SCHIP1: variants seen among roughly 807,000 people sequenced by gnomAD.
SCHIP1 encodes schwannomin-interacting protein 1.
SCHIP1 carries 8 observed loss-of-function variants against 29.7 expected under a neutral mutation model. That is an observed-to-expected ratio of 0.27 (90% CI 0.16 to 0.49). The LOEUF is 0.49. Among genes scored for constraint, SCHIP1 ranks in the 20% least tolerant of loss-of-function variants. The pLI is 0.99. For synonymous variants in SCHIP1, 76 were observed against 94.9 expected, an observed-to-expected ratio of 0.80 and a Z score of 1.16; for missense variants, 193 against 294.6, an observed-to-expected ratio of 0.66 and a Z score of 2.52.
At chr3:159,296,966 T>A in the SCHIP1 span, among the ~76,000 whole-genome samples, 2 of 152,210 alleles carry the variant, frequency 1.3e-5, no homozygotes, top group Non-Finnish European at 2.9e-5. Flanking sequence ...TTCTACTGTC[T>A]ACTTCTATGG....
chr3:159,750,263 GTATATATATA>G, the SCHIP1 span, among the ~76,000 whole-genome samples: 4 of 25,104 alleles, frequency 1.6e-4, no homozygotes, highest in South Asian at 1.1e-3. Flanking sequence ...ATGTGTGTGT[GTATATATATA>G]TATATATATA....
chr3:159,511,398 C>G, the SCHIP1 span, among the ~76,000 whole-genome samples: 3 of 152,316 alleles, frequency 2.0e-5, no homozygotes, highest in East Asian at 5.8e-4. Context: ...AGGGAACTCC[C>G]TGACCCCTTG....
chr3:159,648,150 A>T, the SCHIP1 span, among the ~76,000 whole-genome samples: 13 of 152,166 alleles, frequency 8.5e-5, no homozygotes, highest in South Asian at 1.5e-3. Context: ...TCCCAGGCAC[A>T]CTCCTCTCTA....
chr3:159,586,409 G>A, the SCHIP1 span, among the ~76,000 whole-genome samples: 8 of 152,096 alleles, frequency 5.3e-5, no homozygotes, highest in Admixed American at 6.6e-5. Flanking sequence ...TTTTAAAAAC[G>A]CTATGCTTAG....
chr3:159,663,495 A>G, the SCHIP1 span, among the ~76,000 whole-genome samples: 2 of 152,178 alleles, frequency 1.3e-5, no homozygotes, highest in African/African-American at 2.4e-5. Context: ...TAGCTCCTCA[A>G]CAGTCCTCAA....
chr3:159,440,872 AACTC>A, the SCHIP1 span, among the ~76,000 whole-genome samples: 1 of 152,198 alleles, frequency 6.6e-6, no homozygotes, highest in Non-Finnish European at 1.5e-5. Context: ...TAGTAACTAA[AACTC>A]ACTCTGATGG....
At chr3:159,329,014 G>A in the SCHIP1 span, among the ~76,000 whole-genome samples, 1 of 152,164 alleles carries the variant, frequency 6.6e-6, no homozygotes, top group East Asian at 1.9e-4. Flanking sequence ...GCACATAGCA[G>A]GTGGCCAAAG....
the SCHIP1 span, among the ~76,000 whole-genome samples, chr3:159,378,137 T>C: frequency 6.6e-6 from 1 of 152,248 alleles, no homozygotes; most frequent in Non-Finnish European, 1.5e-5. Context: ...AAAAAGGCTA[T>C]CTTCAGTAGC....
chr3:159,767,079 A>G, the SCHIP1 span, among the ~76,000 whole-genome samples: 2 of 152,210 alleles, frequency 1.3e-5, no homozygotes, highest in African/African-American at 4.8e-5. Flanking sequence ...ATTGTGTCAA[A>G]GCAAGGATGT....
At chr3:159,490,017 A>C in the SCHIP1 span, among the ~76,000 whole-genome samples, 1 of 152,176 alleles carries the variant, frequency 6.6e-6, no homozygotes, top group East Asian at 1.9e-4. Flanking sequence ...CATTTTGCTT[A>C]TATAATTGTA....
the SCHIP1 span, among the ~76,000 whole-genome samples, chr3:159,466,857 A>C: frequency 6.6e-6 from 1 of 152,130 alleles, no homozygotes; most frequent in Non-Finnish European, 1.5e-5. Context: ...CTAGGTTAAT[A>C]CCAACATTAG....
the SCHIP1 span, among the ~76,000 whole-genome samples, chr3:159,590,445 G>A: frequency 9.9e-5 from 15 of 152,096 alleles, no homozygotes; most frequent in East Asian, 1.9e-4. Context: ...GCACAGTGGC[G>A]CACACCTGTA....
At chr3:159,684,598 G>T in the SCHIP1 span, among the ~76,000 whole-genome samples, 1 of 152,006 alleles carries the variant, frequency 6.6e-6, no homozygotes, top group African/African-American at 2.4e-5. Context: ...GAGGTCAGGA[G>T]ATCGAGACCA....
chr3:159,809,773 GGT>G, the SCHIP1 span, among the ~76,000 whole-genome samples: 1 of 152,088 alleles, frequency 6.6e-6, no homozygotes, highest in Admixed American at 6.5e-5. Flanking sequence ...AGCCGAGGCA[GGT>G]GGATCATTTG....
the SCHIP1 span, among the ~76,000 whole-genome samples, chr3:159,816,323 G>A: frequency 6.6e-6 from 1 of 152,080 alleles, no homozygotes; most frequent in Non-Finnish European, 1.5e-5. Context: ...CCAAGCTGAA[G>A]TGCAGTGGTG....
At chr3:159,711,293 G>A in the SCHIP1 span, among the ~76,000 whole-genome samples, 14 of 76,998 alleles carry the variant, frequency 1.8e-4, no homozygotes, top group East Asian at 3.9e-3. Context: ...CCCGGGAGGC[G>A]GAGCTTGCAG....
chr3:159,580,531 T>C, the SCHIP1 span, among the ~76,000 whole-genome samples: 1 of 152,222 alleles, frequency 6.6e-6, no homozygotes, highest in African/African-American at 2.4e-5. Context: ...TTTACAAGAT[T>C]GAAATGTCTC....
At chr3:159,477,920 CTTTTT>C in the SCHIP1 span, among the ~76,000 whole-genome samples, 5 of 98,288 alleles carry the variant, frequency 5.1e-5, no homozygotes, top group African/African-American at 1.2e-4. Flanking sequence ...CATTTTAAAT[CTTTTT>C]TTTTTTTTTT....
At chr3:159,766,202 C>T in the SCHIP1 span, among the ~76,000 whole-genome samples, 3 of 152,058 alleles carry the variant, frequency 2.0e-5, no homozygotes, top group African/African-American at 7.3e-5. Flanking sequence ...AAATGCTTGC[C>T]TTGCGGGTGT....
Sources: allele counts gnomAD v4.1 joint callset (sites outside exome capture counted in the v4.1 genomes callset), GRCh38; gene constraint gnomAD v4.1.1; transcripts MANE v1.5; gene names NCBI Gene and HGNC (gene_info 2026-07-23, HGNC 2026-07-21).